HNF4A: variants seen among roughly 807,000 people sequenced by gnomAD.
The protein encoded by HNF4A is hepatocyte nuclear factor 4-alpha.
HNF4A carries 15 observed loss-of-function variants against 52.4 expected under a neutral mutation model. That is an observed-to-expected ratio of 0.29 (90% confidence interval 0.19 to 0.44). The LOEUF is 0.44. HNF4A is among the 20% of genes least tolerant of loss of function. HNF4A has a pLI of 1.00. For missense variants in HNF4A, 479 were observed against 647.2 expected, an observed-to-expected ratio of 0.74 and a Z score of 2.82; for synonymous variants, 280 against 264.4, an observed-to-expected ratio of 1.06 and a Z score of -0.57.
Position 44,379,985 on chromosome 20 carries a change from G to C in HNF4A, c.49+24132G>C, listed in dbSNP as rs140508925. Among the ~76,000 whole-genome samples the C allele has an allele frequency of 7.2e-3, 1,094 of 152,144 alleles. 5 individuals carry two copies. Among genetic ancestry groups the C allele is most frequent in the Middle Eastern group, 0.017 (5 of 294 alleles). On this transcript the variant is annotated intron_variant, in intron 1 of 9. Transcript: ENST00000316673. Reference sequence around the variant, plus strand: ...CTGACCTCGTGATCCGCCCGCCTTGGCCTCCCAAAGTGCTGGGATTACAGG... The same window carrying C: ...CTGACCTCGTGATCCGCCCGCCTTGCCCTCCCAAAGTGCTGGGATTACAGG...
Position 44,414,544 on chromosome 20 carries a change from G to T in HNF4A, c.530G>T (p.Arg177Leu). The change falls in exon 5 of 10, where the codon CGG becomes CTG. Residue 177 changes from arginine to leucine, a missense_variant. Around this residue, in one of 3 missense-constraint regions of HNF4A, gnomAD observed 389 missense variants for 525.1 expected, o/e 0.74. Transcript: ENST00000316099. ...GTCTCCGGGATCAACGGCGACATTC[G>T]GGCGAAGAAGATTGCCAGCATCGCA... 1 of 1,614,200 alleles carries T rather than the reference G, an allele frequency of 6.2e-7. No individual in the cohort carries two copies. The highest frequency in any genetic ancestry group is 1.1e-5 in the South Asian group (1 of 91,088).
At chr20:44,412,454 C>T (rs921541117) in intron 3 of HNF4A, among the ~76,000 whole-genome samples, 2 of 152,166 alleles carry the variant, frequency 1.3e-5, no homozygotes, top group South Asian at 2.1e-4. Context: ...AGCCTACAAG[C>T]GTGCGGATGC....
intron 1 of HNF4A, among the ~76,000 whole-genome samples, chr20:44,390,226 C>T (rs968182622): frequency 2.0e-5 from 3 of 152,264 alleles, no homozygotes; most frequent in African/African-American, 4.8e-5. Flanking sequence ...TGGAGAAACA[C>T]GCTCAGAAAG....
At chr20:44,390,803 C>T (rs1568708717) in intron 1 of HNF4A, 1 of 622,906 alleles carries the variant, frequency 1.6e-6, no homozygotes, top group South Asian at 1.9e-5. Flanking sequence ...ATCCCCTAAC[C>T]CAGGAACGTC....
chr20:44,407,031 A>G (rs974342349), intron 2 of HNF4A, among the ~76,000 whole-genome samples: 3 of 152,228 alleles, frequency 2.0e-5, no homozygotes, highest in Admixed American at 2.0e-4. Flanking sequence ...AGCCATAACC[A>G]GGAGCCTGCT....
chr20:44,356,138 C>A (rs2062855162), intron 1 of HNF4A, among the ~76,000 whole-genome samples: 1 of 152,208 alleles, frequency 6.6e-6, no homozygotes, highest in African/African-American at 2.4e-5. Context: ...TCTCAGGGGT[C>A]TTTCCAAAAC....
At chr20:44,364,822 A>T (rs1394668368) in intron 1 of HNF4A, among the ~76,000 whole-genome samples, 1 of 152,170 alleles carries the variant, frequency 6.6e-6, no homozygotes, top group Non-Finnish European at 1.5e-5. Flanking sequence ...TTATGTAACA[A>T]GCAAATGCAG....
intron 1 of HNF4A, among the ~76,000 whole-genome samples, chr20:44,366,112 C>T (rs1256392982): frequency 1.3e-5 from 2 of 151,814 alleles, no homozygotes; most frequent in African/African-American, 2.4e-5. Flanking sequence ...ATCAATGTAT[C>T]GCTTTATGAA....
At chr20:44,411,146 C>G (rs76964581) in intron 3 of HNF4A, among the ~76,000 whole-genome samples, 1 of 152,090 alleles carries the variant, frequency 6.6e-6, no homozygotes, top group Admixed American at 6.6e-5. Context: ...GCCCAGAAAG[C>G]GGACCCAGAG....
intron 1 of HNF4A, among the ~76,000 whole-genome samples, chr20:44,356,307 T>C (rs1391880186): frequency 1.3e-5 from 2 of 152,148 alleles, no homozygotes; most frequent in East Asian, 3.9e-4. Flanking sequence ...CCGTTGGCTC[T>C]GGATAATGGG....
chr20:44,379,714 G>GATA (rs1221591727), intron 1 of HNF4A, among the ~76,000 whole-genome samples: 1 of 148,362 alleles, frequency 6.7e-6, no homozygotes, highest in Non-Finnish European at 1.5e-5. Flanking sequence ...ATCACACCCG[G>GATA]ATAATTTTTC....
chr20:44,404,291 A>G (rs2063451037), intron 1 of HNF4A, among the ~76,000 whole-genome samples: 1 of 152,222 alleles, frequency 6.6e-6, no homozygotes, highest in South Asian at 2.1e-4. Flanking sequence ...AAACAAAAGC[A>G]TAGAGAAGTA....
chr20:44,392,442 C>T (rs966365314), intron 1 of HNF4A, among the ~76,000 whole-genome samples: 4 of 152,118 alleles, frequency 2.6e-5, no homozygotes, highest in South Asian at 4.1e-4. Flanking sequence ...CTGGCACCTC[C>T]CCACCCCTAC....
chr20:44,362,313 G>A (rs34203881), intron 1 of HNF4A, among the ~76,000 whole-genome samples: 30,464 of 150,614 alleles, frequency 0.2, 3,780 homozygotes, highest in East Asian at 0.47. Context: ...CCAGCTACTC[G>A]GGAGGCTGAG....
chr20:44,421,225 C>T (rs1382754347), intron 7 of HNF4A, among the ~76,000 whole-genome samples: 2 of 152,176 alleles, frequency 1.3e-5, no homozygotes, highest in Non-Finnish European at 2.9e-5. Context: ...GCATTCCTAC[C>T]CTCTCCTGTG....
Position 44,424,116 on chromosome 20 carries a change from C to A in HNF4A, c.991C>A (p.Arg331Ser), listed in dbSNP as rs193922479. ...CATCAACGACCGCCAGTATGACTCG[C>A]GTGGCCGCTTTGGAGAGCTGCTGCT... Residue 331 changes from arginine (R) to serine (S), a missense_variant, in exon 8 of 10, where the codon CGT (arginine) becomes AGT (serine). Arg to Ser is a moderately radical substitution (Grantham distance 110). Coordinates refer to ENST00000316099, the MANE Select transcript of HNF4A (RefSeq NM_000457.6). 1 of 1,613,504 alleles carries A rather than the reference C, an allele frequency of 6.2e-7. No homozygotes were observed. Among genetic ancestry groups the A allele is most frequent in the Non-Finnish European group, 8.5e-7 (1 of 1,179,988 alleles).
intron 4 of HNF4A, among the ~76,000 whole-genome samples, chr20:44,414,153 AC>A (rs1201114711): frequency 3.9e-5 from 6 of 152,154 alleles, no homozygotes; most frequent in Non-Finnish European, 2.9e-5. Context: ...TTGCTGAGTG[AC>A]CTTGGGCAAG....
intron 1 of HNF4A, among the ~76,000 whole-genome samples, chr20:44,358,916 T>C (rs6031549): frequency 0.16 from 24,579 of 152,062 alleles, 2,385 homozygotes; most frequent in Middle Eastern, 0.26. Context: ...TGCTCTTTGG[T>C]GTGGTGATGC....
chr20:44,386,991 T>TC (rs779771663), intron 1 of HNF4A, among the ~76,000 whole-genome samples: 5 of 152,114 alleles, frequency 3.3e-5, no homozygotes, highest in Admixed American at 2.0e-4. Flanking sequence ...CCAACAACTA[T>TC]CCATTAAACA....
Sources: allele counts gnomAD v4.1 joint callset (sites outside exome capture counted in the v4.1 genomes callset), GRCh38; gene constraint gnomAD v4.1.1; regional missense constraint gnomAD v4.1.1; transcripts MANE v1.5; gene names NCBI Gene and HGNC (gene_info 2026-07-23, HGNC 2026-07-21).